CFAP299: variants seen among roughly 807,000 people sequenced by gnomAD.
CFAP299 encodes cilia- and flagella-associated protein 299.
Under a neutral mutation model 27.0 loss-of-function variants are expected in CFAP299, and 21 were observed. The ratio of observed to expected loss-of-function variants is 0.78; its 90% confidence interval spans 0.55 to 1.12. The LOEUF (loss-of-function observed/expected upper bound fraction) is 1.12. Ranked by LOEUF, CFAP299 falls within the 50% of genes most tolerant of loss-of-function variation. CFAP299 has a pLI of 0.00. For synonymous variants in CFAP299, 104 were observed against 98.1 expected (o/e 1.06, Z -0.36); for missense variants, 310 against 276.6 (o/e 1.12, Z -0.86).
intron 2 of CFAP299, among the ~76,000 whole-genome samples, chr4:80,422,807 T>C (rs1408383232): frequency 6.6e-6 from 1 of 152,198 alleles, no homozygotes; most frequent in East Asian, 1.9e-4. Flanking sequence ...TTAAAACCTA[T>C]AGTCATGTCT....
chr4:80,392,302 G>T (rs1194441539), intron 2 of CFAP299, among the ~76,000 whole-genome samples: 1 of 152,192 alleles, frequency 6.6e-6, no homozygotes, highest in African/African-American at 2.4e-5. Flanking sequence ...GACTTTGGGG[G>T]ACTGTTGGAA....
intron 2 of CFAP299, among the ~76,000 whole-genome samples, chr4:80,472,206 G>A (rs1330604287): frequency 6.6e-6 from 1 of 152,044 alleles, no homozygotes. Context: ...TGTGTCTCTT[G>A]GAAAGTAGGG....
At chr4:80,886,130 G>A (rs1473200485) in intron 4 of CFAP299, among the ~76,000 whole-genome samples, 1 of 152,160 alleles carries the variant, frequency 6.6e-6, no homozygotes, top group Non-Finnish European at 1.5e-5. Flanking sequence ...CTGTGGAAAT[G>A]GGAAGGAAGA....
At chr4:80,484,137 G>A (rs1026211463) in intron 2 of CFAP299, among the ~76,000 whole-genome samples, 4 of 152,104 alleles carry the variant, frequency 2.6e-5, no homozygotes, top group Non-Finnish European at 5.9e-5. Context: ...GAAATAACGA[G>A]TGAGGCAATT....
chr4:80,615,943 A>C (rs1391985106), intron 3 of CFAP299, among the ~76,000 whole-genome samples: 3 of 152,110 alleles, frequency 2.0e-5, no homozygotes, highest in African/African-American at 7.2e-5. Context: ...ACCTCCGTTC[A>C]TTCCTTCAGC....
intron 3 of CFAP299, among the ~76,000 whole-genome samples, chr4:80,735,041 C>A (rs114559661): frequency 9.7e-4 from 148 of 152,200 alleles, no homozygotes; most frequent in African/African-American, 3.3e-3. Flanking sequence ...TTGCTTTAGG[C>A]AGTATGAATA....
intron 3 of CFAP299, among the ~76,000 whole-genome samples, chr4:80,848,688 A>G (rs1374363411): frequency 2.6e-5 from 4 of 152,302 alleles, no homozygotes; most frequent in Non-Finnish European, 5.9e-5. Context: ...GAGACGGAGG[A>G]TCAGTTGAGC....
intron 1 of CFAP299, among the ~76,000 whole-genome samples, chr4:80,358,453 T>C (rs540306059): frequency 9.8e-5 from 15 of 152,312 alleles, no homozygotes; most frequent in Admixed American, 9.1e-4. Context: ...CCACTATTAT[T>C]GTGTGGGAGT....
intron 3 of CFAP299, among the ~76,000 whole-genome samples, chr4:80,755,868 G>A (rs1214176082): frequency 6.6e-6 from 1 of 152,010 alleles, no homozygotes; most frequent in Non-Finnish European, 1.5e-5. Flanking sequence ...CTCAGTTAGG[G>A]CCATCCTACT....
chr4:80,391,883 G>A (rs576932501), intron 2 of CFAP299, among the ~76,000 whole-genome samples: 74 of 152,268 alleles, frequency 4.9e-4, no homozygotes, highest in African/African-American at 1.7e-3. Context: ...GCTAGGAAGT[G>A]GTGTGTACCC....
chr4:80,807,333 A>C (rs1728914000), intron 3 of CFAP299, among the ~76,000 whole-genome samples: 1 of 152,158 alleles, frequency 6.6e-6, no homozygotes, highest in Non-Finnish European at 1.5e-5. Flanking sequence ...CAACCATTTC[A>C]TGAATCACAA....
At chr4:80,371,424 C>G (rs538326465) in intron 2 of CFAP299, among the ~76,000 whole-genome samples, 2 of 152,268 alleles carry the variant, frequency 1.3e-5, no homozygotes, top group Admixed American at 6.5e-5. Flanking sequence ...ATTTCTCCCC[C>G]CAAAATGAGT....
chr4:80,385,647 C>G (rs1724935886), intron 2 of CFAP299, among the ~76,000 whole-genome samples: 1 of 152,230 alleles, frequency 6.6e-6, no homozygotes, highest in Admixed American at 6.5e-5. Flanking sequence ...GAAGCCAGAT[C>G]TGTCTCACAG....
chr4:80,835,724 T>C (rs1011437780), intron 3 of CFAP299, among the ~76,000 whole-genome samples: 1 of 152,280 alleles, frequency 6.6e-6, no homozygotes, highest in East Asian at 1.9e-4. Context: ...ATTAAACACA[T>C]GTGTGGACCT....
intron 2 of CFAP299, among the ~76,000 whole-genome samples, chr4:80,370,192 A>C (rs542308138): frequency 4.6e-4 from 70 of 152,164 alleles, no homozygotes; most frequent in African/African-American, 1.6e-3. Context: ...AAACAACCAG[A>C]TCTCTTGAGA....
In CFAP299 at chr4:80,653,424, G is replaced by A. The variant is rs796605981; in HGVS notation, c.333+70241G>A. Among the ~76,000 whole-genome samples, 4 of 19,424 alleles carry A rather than the reference G, an allele frequency of 2.1e-4. No individual in the cohort carries two copies. The South Asian group carries it at 0.019, about 90-fold the overall frequency. 12.7% of individuals were successfully genotyped at this position (19,424 alleles called of 152,430 possible). A position where few individuals can be genotyped will look rare whatever the true frequency, so the allele number is the denominator to read the frequency against. ...ACAAAAATTTAAAAAATTACAAATGGCCTCCTACTGATCTATAATGTCATC... is the reference window on the plus strand; with the variant it reads ...ACAAAAATTTAAAAAATTACAAATGACCTCCTACTGATCTATAATGTCATC... On this transcript the variant is annotated intron_variant, in intron 3 of 5. Coordinates refer to ENST00000358105, the MANE Select transcript of CFAP299 (RefSeq NM_152770.3).
chr4:80,824,211 G>C (rs2110126381), intron 3 of CFAP299, among the ~76,000 whole-genome samples: 1 of 152,176 alleles, frequency 6.6e-6, no homozygotes, highest in South Asian at 2.1e-4. Flanking sequence ...TCTATTGAAG[G>C]CTTTAAGCTT....
chr4:80,420,871 A>T (rs1158026060), intron 2 of CFAP299, among the ~76,000 whole-genome samples: 1 of 152,160 alleles, frequency 6.6e-6, no homozygotes, highest in Admixed American at 6.5e-5. Context: ...CACTTCACAC[A>T]TCAATTTTGC....
rs141983870 is a variant in CFAP299, at chr4:80,532,856, G to A, written c.243-50237G>A. 5.0e-3 allele frequency among the ~76,000 whole-genome samples: 768 copies of A among 152,322 alleles called. 4 individuals carry two copies. The highest frequency in any genetic ancestry group is 0.017 in the Middle Eastern group (5 of 294). On this transcript the variant is annotated intron_variant, in intron 2 of 5. Coordinates refer to ENST00000358105, the MANE Select transcript of CFAP299 (RefSeq NM_152770.3). ...CTCTGCAAAGCTAGCAGTGACGGTA[G>A]GTCACTGGGGGTGGCTGCCAAGAAG...
Sources: gnomAD v4.1 joint callset for allele counts (sites outside exome capture counted in the v4.1 genomes callset) on GRCh38, gnomAD v4.1.1 for gene constraint, MANE v1.5 for transcripts, NCBI Gene and HGNC (gene_info 2026-07-23, HGNC 2026-07-21) for gene names.